TBC1D16: variants seen among roughly 807,000 people sequenced by gnomAD.
TBC1D16 encodes TBC1 domain family member 16.
In TBC1D16, 58 loss-of-function variants were observed where a neutral mutation model predicts 74.7. That is an observed-to-expected ratio of 0.78 (90% CI 0.63 to 0.97). The LOEUF (loss-of-function observed/expected upper bound fraction) is 0.97. Among genes scored for constraint, TBC1D16 ranks in the 50% least tolerant of loss-of-function variants. The probability of loss-of-function intolerance (pLI) is 0.00; values close to 1 mark genes in which losing one functional copy is unlikely to be tolerated. For missense variants in TBC1D16, 1,014 were observed against 1,079.5 expected (o/e 0.94, Z 0.85); for synonymous variants, 493 against 474.7 (o/e 1.04, Z -0.50).
Position 79,944,242 on chromosome 17 carries a change from G to T in TBC1D16, c.1908+666C>A. On this transcript the variant is annotated intron_variant, in intron 10 of 11. Coordinates refer to ENST00000310924, the MANE Select transcript of TBC1D16 (RefSeq NM_019020.4). This position sits in a 1 kb window ranked among gnomAD's most constrained non-coding sequence, Gnocchi z 7.7. ...GGATAGAGCCAGCTCCTGCAAAAGG[G>T]TCCAGCCCTCCTGGATGCGTCGATG... 1 of 1,159,220 alleles carries T rather than the reference G, an allele frequency of 8.6e-7. No homozygotes were observed. The highest frequency in any genetic ancestry group is 1.2e-6 in the Non-Finnish European group (1 of 821,096). The allele number at this position is 1,159,220 out of a possible 1,614,324, so 71.8% of individuals were successfully genotyped here.
intron 3 of TBC1D16, among the ~76,000 whole-genome samples, chr17:79,999,587 G>C (rs1248235110): frequency 8.3e-6 from 1 of 120,368 alleles, no homozygotes; most frequent in Non-Finnish European, 1.6e-5. Flanking sequence ...CTGTTGCCCA[G>C]GCTGGAGTGC....
intron 1 of TBC1D16, among the ~76,000 whole-genome samples, chr17:80,018,894 C>T (rs1309569039): frequency 6.7e-6 from 1 of 150,232 alleles, no homozygotes; most frequent in Non-Finnish European, 1.5e-5. Flanking sequence ...AGCCACCGCA[C>T]CTGGCCTATT....
rs548692591 is a variant in TBC1D16, at chr17:79,936,351, T to C, written c.*4508A>G. 1 of 152,364 alleles carries C rather than the reference T, an allele frequency of 6.6e-6. No individual in the cohort carries two copies. The highest frequency in any genetic ancestry group is 1.9e-4 in the East Asian group (1 of 5,180). 9.4% of individuals were successfully genotyped at this position (152,364 alleles called of 1,614,324 possible). On this transcript the variant is annotated 3_prime_UTR_variant, in exon 12 of 12. Transcript: ENST00000310924. ...GTCCTGAGCTCGCTGCCCCTCACGATGCACACGGCTGATGGCTGAGGTCAG... is the reference window on the plus strand; with the variant it reads ...GTCCTGAGCTCGCTGCCCCTCACGACGCACACGGCTGATGGCTGAGGTCAG...
Position 80,001,109 on chromosome 17 carries a change from C to T in TBC1D16, c.779+9051G>A, listed in dbSNP as rs995302713. ...TGAGACTGCTGGGGCGAGGCTATGT[C>T]CTGTGGCCATTTCTAGACTGACTAT... On this transcript the variant is annotated intron_variant, in intron 3 of 11. Coordinates refer to ENST00000310924, the MANE Select transcript of TBC1D16 (RefSeq NM_019020.4). This position sits in a 1 kb window ranked among gnomAD's most constrained non-coding sequence, Gnocchi z 5.8. Among the ~76,000 whole-genome samples, 1 of 152,242 alleles carries T rather than the reference C, an allele frequency of 6.6e-6. No homozygotes were observed. Among genetic ancestry groups the T allele is most frequent in the African/African-American group, 2.4e-5 (1 of 41,474 alleles).
In TBC1D16 at chr17:79,944,222, G is replaced by A. The variant is rs2143488420; in HGVS notation, c.1908+686C>T. The A allele has an allele frequency of 7.2e-7, 1 of 1,388,506 alleles. No individual in the cohort carries two copies. Among genetic ancestry groups the A allele is most frequent in the African/African-American group, 1.4e-5 (1 of 70,014 alleles). The allele number at this position is 1,388,506 out of a possible 1,614,324, so 86.0% of individuals were successfully genotyped here. On this transcript the variant is annotated intron_variant, in intron 10 of 11. Transcript: ENST00000310924. This position sits in a 1 kb window ranked among gnomAD's most constrained non-coding sequence, Gnocchi z 7.7. The stretch of plus-strand genomic sequence containing the variant: ...GCTGCTGGAGCTGCCGTGGTGGATA[G>A]AGCCAGCTCCTGCAAAAGGGTCCAG...
chr17:80,022,518 T>A (rs2036320602), intron 1 of TBC1D16, among the ~76,000 whole-genome samples: 1 of 149,114 alleles, frequency 6.7e-6, no homozygotes, highest in Non-Finnish European at 1.5e-5. Flanking sequence ...TGTATTTTTT[T>A]AGTAGACACC....
At position 79,969,976 on chromosome 17, in the gene TBC1D16, A is replaced by G. The variant is rs147180234; in HGVS notation, c.780-17158T>C. Among the ~76,000 whole-genome samples the G allele has an allele frequency of 7.2e-5, 11 of 152,286 alleles. No homozygotes were observed. In the East Asian group the frequency reaches 2.1e-3, roughly 29 times the overall value. The stretch of plus-strand genomic sequence containing the variant: ...AAAAGAAAAGAAAATAGATGTCTAT[A>G]TAAAAACATGTACACACATGTTCAT... On this transcript the variant is annotated intron_variant, in intron 3 of 11. Transcript: ENST00000310924.
rs2034879587 is a variant in TBC1D16 at position 79,987,317 on chromosome 17, T to G, written c.779+22843A>C. On this transcript the variant is annotated intron_variant, in intron 3 of 11. Coordinates refer to ENST00000310924, the MANE Select transcript of TBC1D16 (RefSeq NM_019020.4). The surrounding 1 kb of genome is among the most constrained non-coding windows in gnomAD (Gnocchi z 5.2). ...GTGCTGTGGTGACATCACAGCTCACTGCAACCTCCGCTTCCACCTCTTGGG... is the reference window on the plus strand; with the variant it reads ...GTGCTGTGGTGACATCACAGCTCACGGCAACCTCCGCTTCCACCTCTTGGG... Among the ~76,000 whole-genome samples the G allele has an allele frequency of 6.6e-6, 1 of 152,134 alleles. No individual in the cohort carries two copies. Among genetic ancestry groups the G allele is most frequent in the East Asian group, 1.9e-4 (1 of 5,186 alleles).
At chr17:80,026,651 G>C (rs1331683958) in intron 1 of TBC1D16, among the ~76,000 whole-genome samples, 1 of 149,820 alleles carries the variant, frequency 6.7e-6, no homozygotes, top group Non-Finnish European at 1.5e-5. Context: ...GCTGCCGGCA[G>C]CCCAAGTTGT....
At position 79,948,860 on chromosome 17, in the gene TBC1D16, G is replaced by A. The variant is rs2032789413; in HGVS notation, c.1541+12C>T. Reference sequence around the variant, plus strand: ...TTGCAGATGGGAAAGGAGCTGGCTGGGGAGGGAGTACCTCATGCTCTCCAC... The same window carrying A: ...TTGCAGATGGGAAAGGAGCTGGCTGAGGAGGGAGTACCTCATGCTCTCCAC... On this transcript the variant is annotated intron_variant, in intron 8 of 11. Coordinates refer to ENST00000310924, the MANE Select transcript of TBC1D16 (RefSeq NM_019020.4). 13 of 1,613,960 alleles carry A rather than the reference G, an allele frequency of 8.1e-6. No homozygotes were observed. Among genetic ancestry groups the A allele is most frequent in the Non-Finnish European group, 1.1e-5 (13 of 1,179,898 alleles).
At position 79,933,883 on chromosome 17, in the gene TBC1D16, A is replaced by C. The variant is rs1187870897; in HGVS notation, c.*6976T>G. On this transcript the variant is annotated 3_prime_UTR_variant, in exon 12 of 12. Coordinates refer to ENST00000310924, the MANE Select transcript of TBC1D16 (RefSeq NM_019020.4). ...ACCATAGTCCTCGTGGGATGAATGCATGAATGATGTGGAAGGAGCCAGAAC... is the reference window on the plus strand; with the variant it reads ...ACCATAGTCCTCGTGGGATGAATGCCTGAATGATGTGGAAGGAGCCAGAAC... The C allele has an allele frequency of 2.0e-5, 3 of 152,258 alleles. No homozygotes were observed. The highest frequency in any genetic ancestry group is 7.2e-5 in the African/African-American group (3 of 41,458). 9.4% of individuals were successfully genotyped at this position (152,258 alleles called of 1,614,324 possible). A position where few individuals can be genotyped will look rare whatever the true frequency, so the allele number is the denominator to read the frequency against.
At chr17:79,946,173 C>G (rs116274824) in intron 9 of TBC1D16, among the ~76,000 whole-genome samples, 2,160 of 152,336 alleles carry the variant, frequency 0.014, 48 homozygotes, top group African/African-American at 0.049. Context: ...CTTTTTGGCA[C>G]TAGGGACCCG....
intron 3 of TBC1D16, among the ~76,000 whole-genome samples, chr17:79,998,315 C>A (rs1231275740): frequency 6.6e-6 from 1 of 151,144 alleles, no homozygotes; most frequent in Non-Finnish European, 1.5e-5. Context: ...CAGCTTGCAG[C>A]CTTTTCAGAC....
intron 3 of TBC1D16, among the ~76,000 whole-genome samples, chr17:79,967,468 T>C (rs1568596474): frequency 6.6e-6 from 1 of 152,192 alleles, no homozygotes; most frequent in Non-Finnish European, 1.5e-5. Context: ...TAAAAATTAA[T>C]TGTATTTCTA....
At position 79,948,969 on chromosome 17, in the gene TBC1D16, G is replaced by C; in HGVS notation, c.1444C>G (p.Arg482Gly). 6.2e-7 allele frequency: 1 copy of C among 1,614,130 alleles called. No individual in the cohort carries two copies. Among genetic ancestry groups the C allele is most frequent in the South Asian group, 1.1e-5 (1 of 91,080 alleles). The change falls in exon 8 of 12, where the codon CGT (arginine) becomes GGT (glycine). Residue 482 changes from arginine to glycine, a missense_variant. Physicochemically the swap from Arg to Gly is moderately radical, Grantham distance 125. Transcript: ENST00000310924. Reference protein sequence around the residue: ...MTPEEHRAFWRNVQFTVDKDV... With the variant: ...MTPEEHRAFWGNVQFTVDKDV... The stretch of plus-strand genomic sequence containing the variant: ...TTGTCCACAGTGAACTGCACATTAC[G>C]CCAGAACGCTCTGTGCTCCTCGGGA...
chr17:79,949,089 C>A, intron 7 of TBC1D16, 83 bp from the exon 8 acceptor site: 3 of 1,573,598 alleles, frequency 1.9e-6, no homozygotes, highest in Non-Finnish European at 2.6e-6. Context: ...GGAAGCCACC[C>A]TTCCTCCCAA....
intron 10 of TBC1D16, 150 bp from the exon 11 acceptor site, chr17:79,942,356 A>G: frequency 1.2e-6 from 1 of 821,326 alleles, no homozygotes; most frequent in Non-Finnish European, 1.9e-6. Flanking sequence ...GGCCCTGGGC[A>G]AGCTGCACCG....
intron 3 of TBC1D16, among the ~76,000 whole-genome samples, chr17:79,959,630 C>T (rs879545075): frequency 1.3e-5 from 2 of 152,078 alleles, no homozygotes; most frequent in Admixed American, 1.3e-4. Flanking sequence ...GATGGCTTTT[C>T]AATAAACGAT....
chr17:80,034,200 C>CTTT (rs35010521), intron 1 of TBC1D16, among the ~76,000 whole-genome samples: 16 of 120,856 alleles, frequency 1.3e-4, no homozygotes, highest in African/African-American at 4.2e-4. Flanking sequence ...TTTTTTTTTC[C>CTTT]TTTTTTTTTT....
Sources: allele counts gnomAD v4.1 joint callset (sites outside exome capture counted in the v4.1 genomes callset), GRCh38; gene constraint gnomAD v4.1.1; non-coding constraint Gnocchi (gnomAD v3.1); transcripts MANE v1.5; gene names NCBI Gene and HGNC (gene_info 2026-07-23, HGNC 2026-07-21).